The following CLMP variants were observed in gnomAD, a reference collection of about 807,000 sequenced individuals.
The protein encoded by CLMP is CXADR like cell adhesion molecule.
A neutral mutation model predicts 45.2 loss-of-function variants in CLMP; 27 were observed. The ratio of observed to expected loss-of-function variants is 0.60; its 90% confidence interval spans 0.44 to 0.82. The LOEUF is 0.82. CLMP is among the 40% of genes least tolerant of loss of function. The pLI is 0.00. For synonymous variants in CLMP, 167 were observed against 171.4 expected (o/e 0.97, Z 0.20); for missense variants, 403 against 448.4 (o/e 0.90, Z 0.91).
intron 1 of CLMP, among the ~76,000 whole-genome samples, chr11:123,177,430 C>T (rs1254793637): frequency 6.6e-6 from 1 of 152,114 alleles, no homozygotes; most frequent in Non-Finnish European, 1.5e-5. Flanking sequence ...AGCTGGAGGA[C>T]CAACACGTTT....
At chr11:123,160,215 G>A (rs1388216904) in intron 1 of CLMP, among the ~76,000 whole-genome samples, 3 of 143,674 alleles carry the variant, frequency 2.1e-5, no homozygotes, top group South Asian at 2.2e-4. Context: ...GGGAGGCAAA[G>A]GTTGCAGTGA....
intron 1 of CLMP, among the ~76,000 whole-genome samples, chr11:123,184,969 G>C (rs1188929551): frequency 1.3e-5 from 2 of 152,184 alleles, no homozygotes; most frequent in Admixed American, 6.5e-5. Context: ...CTATTCTAAA[G>C]GTGTGGACAA....
rs138431679 is a variant in CLMP, at chr11:123,147,018, C to T, written c.28+47895G>A. On this transcript the variant is annotated intron_variant, in intron 1 of 6. Transcript: ENST00000448775. ...AGCTCCTGAATACCTTTGACTCTGA[C>T]CTTTCTCTATCCCTGTTAACCTGCT... Among the ~76,000 whole-genome samples, 1,035 of 152,326 alleles carry T rather than the reference C, an allele frequency of 6.8e-3. 7 individuals are homozygous for T. Among genetic ancestry groups the T allele is most frequent in the Non-Finnish European group, 0.01 (692 of 68,026 alleles).
chr11:123,117,846 T>G (rs772046125), intron 1 of CLMP, among the ~76,000 whole-genome samples: 1 of 152,176 alleles, frequency 6.6e-6, no homozygotes, highest in Non-Finnish European at 1.5e-5. Flanking sequence ...ATCCTGATCT[T>G]AGCAGGAAAA....
intron 1 of CLMP, among the ~76,000 whole-genome samples, chr11:123,112,117 C>T (rs12290985): frequency 5.9e-5 from 9 of 152,086 alleles, no homozygotes; most frequent in East Asian, 3.9e-4. Context: ...GAACGGAACA[C>T]GTCTGCCCCA....
intron 2 of CLMP, among the ~76,000 whole-genome samples, chr11:123,092,687 T>TC (rs1206664657): frequency 6.6e-6 from 1 of 151,924 alleles, no homozygotes; most frequent in Non-Finnish European, 1.5e-5. Flanking sequence ...AACCTTCGCC[T>TC]CCTGGGTTCA....
At chr11:123,102,586 T>C (rs1221019930) in intron 1 of CLMP, among the ~76,000 whole-genome samples, 1 of 150,240 alleles carries the variant, frequency 6.7e-6, no homozygotes, top group Non-Finnish European at 1.5e-5. Flanking sequence ...GCCAGGTTTT[T>C]TTTTTTTTTG....
In CLMP at chr11:123,094,411, C is replaced by G. The variant is rs139712769; in HGVS notation, c.186+3384G>C. On this transcript the variant is annotated intron_variant, in intron 2 of 6. Coordinates refer to ENST00000448775, the MANE Select transcript of CLMP (RefSeq NM_024769.5). ...CATGAGCCACTGTGCCCGCCCGGCC[C>G]AGCCCAGGGTGCCTAATTTGAAAAT... 6.6e-5 allele frequency among the ~76,000 whole-genome samples: 10 copies of G among 151,960 alleles called. 1 individual carries two copies. In the East Asian group the frequency reaches 2.0e-3, roughly 30 times the overall value.
intron 2 of CLMP, among the ~76,000 whole-genome samples, chr11:123,088,323 G>A (rs1006729176): frequency 6.6e-6 from 1 of 152,184 alleles, no homozygotes; most frequent in African/African-American, 2.4e-5. Context: ...AAGCTGTAGA[G>A]TTTGTCTCCA....
intron 1 of CLMP, among the ~76,000 whole-genome samples, chr11:123,105,426 C>T (rs12287973): frequency 2.6e-5 from 3 of 117,496 alleles, no homozygotes; most frequent in Non-Finnish European, 4.9e-5. Flanking sequence ...TTTCTTTCTT[C>T]TTTTCTTTCT....
At chr11:123,194,058 T>C (rs7942068) in intron 1 of CLMP, among the ~76,000 whole-genome samples, 97,033 of 151,706 alleles carry the variant, frequency 0.64, 31,513 homozygotes, top group South Asian at 0.76. Flanking sequence ...CTCAGACATT[T>C]CCAGTCACTC....
chr11:123,117,782 G>A (rs1231740703), intron 1 of CLMP, among the ~76,000 whole-genome samples: 2 of 152,146 alleles, frequency 1.3e-5, no homozygotes, highest in Admixed American at 1.3e-4. Context: ...GTGCCACCCT[G>A]ATAATAAATT....
rs191377519 is a variant in CLMP, at chr11:123,073,954, A to G, written c.822-180T>C. ...CTTAATGCTTGGCTCACACAAATGT[A>G]TATTTTGTTAGCCCACAGGTCAACT... On this transcript the variant is annotated intron_variant, in intron 6 of 6. Transcript: ENST00000448775. 2.6e-3 allele frequency among the ~76,000 whole-genome samples: 403 copies of G among 152,238 alleles called. 4 individuals carry two copies. The highest frequency in any genetic ancestry group is 8.4e-3 in the African/African-American group (350 of 41,558).
At chr11:123,139,088 A>C (rs576452378) in intron 1 of CLMP, among the ~76,000 whole-genome samples, 2 of 152,222 alleles carry the variant, frequency 1.3e-5, no homozygotes, top group South Asian at 4.1e-4. Flanking sequence ...CCATTCATTT[A>C]TGTATGGTGT....
intron 1 of CLMP, among the ~76,000 whole-genome samples, chr11:123,107,153 T>C (rs1860571973): frequency 6.6e-6 from 1 of 151,778 alleles, no homozygotes. Flanking sequence ...CTGAACTCCC[T>C]GGGCTCAAGT....
In CLMP at chr11:123,159,965, C is replaced by A. The variant is rs181694626; in HGVS notation, c.28+34948G>T. Among the ~76,000 whole-genome samples the A allele has an allele frequency of 6.1e-3, 925 of 152,110 alleles. 26 individuals are homozygous for A. The highest frequency in any genetic ancestry group is 3.5e-3 in the Non-Finnish European group (237 of 67,994). On this transcript the variant is annotated intron_variant, in intron 1 of 6. Coordinates refer to ENST00000448775, the MANE Select transcript of CLMP (RefSeq NM_024769.5). ...AATGCTCGGAGAACCACAAAACAGA[C>A]CCTGGTGGTAAGAATTTGTTTCAAT...
chr11:123,133,140 C>T (rs1475794266), intron 1 of CLMP, among the ~76,000 whole-genome samples: 3 of 152,098 alleles, frequency 2.0e-5, no homozygotes, highest in South Asian at 2.1e-4. Context: ...CAGGGAAAGA[C>T]GGGAAGTTTG....
intron 1 of CLMP, among the ~76,000 whole-genome samples, chr11:123,126,455 C>T (rs1860896645): frequency 6.6e-6 from 1 of 152,102 alleles, no homozygotes; most frequent in Non-Finnish European, 1.5e-5. Flanking sequence ...ACGGGAGTCT[C>T]AGTGTGTTGC....
intron 5 of CLMP, among the ~76,000 whole-genome samples, chr11:123,076,564 G>GAA (rs1865742549): frequency 6.6e-6 from 1 of 152,132 alleles, no homozygotes; most frequent in Admixed American, 6.6e-5. Context: ...CATTTGAGTT[G>GAA]AGGCATATAT....
Sources: allele counts gnomAD v4.1 joint callset (sites outside exome capture counted in the v4.1 genomes callset), GRCh38; gene constraint gnomAD v4.1.1; transcripts MANE v1.5; gene names NCBI Gene and HGNC (gene_info 2026-07-23, HGNC 2026-07-21).